CYBA: variants seen among roughly 807,000 people sequenced by gnomAD.
The protein encoded by CYBA is cytochrome b-245 alpha chain.
In CYBA, 21 loss-of-function variants were observed where a neutral mutation model predicts 20.8. The ratio of observed to expected loss-of-function variants is 1.01; its 90% CI spans 0.72 to 1.46. The LOEUF (loss-of-function observed/expected upper bound fraction) is 1.46. Ranked by LOEUF, CYBA falls within the 40% of genes most tolerant of loss-of-function variation. The pLI is 0.00. For missense variants in CYBA, 344 were observed against 287.0 expected, an observed-to-expected ratio of 1.20 and a Z score of -1.43; for synonymous variants, 164 against 127.5, an observed-to-expected ratio of 1.29 and a Z score of -1.93.
intron 1 of CYBA, among the ~76,000 whole-genome samples, chr16:88,649,576 C>G (rs936030198): frequency 6.6e-6 from 1 of 152,192 alleles, no homozygotes; most frequent in African/African-American, 2.4e-5. Flanking sequence ...TGGGGCTGCA[C>G]GGTCTGGAAG....
chr16:88,646,071 T>G, intron 5 of CYBA, 45 bp downstream of exon 5: 1 of 1,484,592 alleles, frequency 6.7e-7, no homozygotes, highest in Non-Finnish European at 9.1e-7. Context: ...GGGCAGGGGC[T>G]GGGGATGGGG....
At chr16:88,645,056 T>G (rs895518942) in intron 5 of CYBA, 1 of 648,580 alleles carries the variant, frequency 1.5e-6, no homozygotes, top group Non-Finnish European at 2.8e-6. Flanking sequence ...GGTTGTCTGC[T>G]GAGGAGCAGC....
At chr16:88,648,700 C>T (rs909304403) in intron 1 of CYBA, among the ~76,000 whole-genome samples, 7 of 151,634 alleles carry the variant, frequency 4.6e-5, no homozygotes, top group South Asian at 2.1e-4. Context: ...TCACTGCTAC[C>T]TCCGCCTCCA....
In CYBA at chr16:88,643,556, C is replaced by A; in HGVS notation, c.385G>T (p.Glu129Ter). The stretch of plus-strand genomic sequence containing the variant: ...TTGGGCTCGATGGGCGTCCACTGCT[C>A]GCCACGCACAGCCGCCTGCGGGGCA... The part of the protein sequence containing the change: ...GIYLLAAVRG[E>*]QWTPIEPKPR... Residue 129 changes from glutamate to a stop codon, truncating the protein, a stop_gained, in exon 6 of 6, where the codon GAG becomes TAG. Coordinates refer to ENST00000261623, the MANE Select transcript of CYBA (RefSeq NM_000101.4). LOFTEE classifies it high-confidence loss of function. This position sits in a 1 kb window ranked among gnomAD's most constrained non-coding sequence, Gnocchi z 4.3. The A allele has an allele frequency of 6.5e-7, 1 of 1,533,838 alleles. No individual in the cohort carries two copies.
chr16:88,643,495 T>C lies in CYBA; in HGVS notation c.446A>G (p.Lys149Arg). The C allele has an allele frequency of 1.3e-6, 2 of 1,533,942 alleles. No individual in the cohort carries two copies. The highest frequency in any genetic ancestry group is 8.7e-7 in the Non-Finnish European group (1 of 1,145,748). Residue 149 changes from lysine to arginine, a missense_variant, in exon 6 of 6, where the codon AAG (lysine) becomes AGG (arginine). By Grantham distance (26) the Lys-to-Arg change is conservative (BLOSUM62 2). Transcript: ENST00000261623. This position sits in a 1 kb window ranked among gnomAD's most constrained non-coding sequence, Gnocchi z 4.3. ...RERPQIGGTI[K>R]QPPSNPPPRP... Reference sequence around the variant, plus strand: ...CGGCGGGGGGTTGCTGGGCGGCTGCTTGATGGTGCCTCCGATCTGCGGCCG... The same window carrying C: ...CGGCGGGGGGTTGCTGGGCGGCTGCCTGATGGTGCCTCCGATCTGCGGCCG...
chr16:88,647,083 G>T lies in CYBA; in HGVS notation c.203+18C>A. 6.2e-7 allele frequency: 1 copy of T among 1,606,412 alleles called. No individual in the cohort carries two copies. Among genetic ancestry groups the T allele is most frequent in the African/African-American group, 1.3e-5 (1 of 74,902 alleles). On this transcript the variant is annotated intron_variant, in intron 3 of 5. Transcript: ENST00000261623. The stretch of plus-strand genomic sequence containing the variant: ...CCCCGCAGCCCCCGGAGAGACCCCA[G>T]AGCAGGAGGAGACTCACCAGCGCTC...
chr16:88,645,465 G>C, intron 5 of CYBA: 1 of 699,382 alleles, frequency 1.4e-6, no homozygotes, highest in African/African-American at 1.7e-5. Flanking sequence ...CAAAGTCTGA[G>C]GGCTCTGTCC....
In CYBA at chr16:88,651,047, G is replaced by A. The variant is rs756019435; in HGVS notation, c.-34C>T. 3.0e-5 allele frequency: 47 copies of A among 1,565,704 alleles called. No homozygotes were observed. Among genetic ancestry groups the A allele is most frequent in the Admixed American group, 2.9e-4 (16 of 55,060 alleles). On this transcript the variant is annotated 5_prime_UTR_variant, in exon 1 of 6. Transcript: ENST00000261623. ...GAACCCGGCTGGGACACTGCTAGGC[G>A]CGCACTGCCGCCCCTGCGCTCCCGG...
At chr16:88,648,747 AG>A (rs1248397754) in intron 1 of CYBA, among the ~76,000 whole-genome samples, 3 of 150,528 alleles carry the variant, frequency 2.0e-5, no homozygotes, top group Non-Finnish European at 4.4e-5. Flanking sequence ...CCTCCTGAGT[AG>A]CTGGGACTAC....
chr16:88,645,521 C>A lies in CYBA; in HGVS notation c.369+595G>T, dbSNP rs549642172. The A allele has an allele frequency of 8.9e-6, 6 of 670,736 alleles. No individual in the cohort carries two copies. The South Asian group carries it at 9.6e-5, about 11-fold the overall frequency. The allele number at this position is 670,736 out of a possible 1,614,324, so 41.5% of individuals were successfully genotyped here. A position where few individuals can be genotyped will look rare whatever the true frequency, so the allele number is the denominator to read the frequency against. The stretch of plus-strand genomic sequence containing the variant: ...AGAGGTGGCCTGCAGCCGTCTGTTC[C>A]GGAGCCCAGGGCAGGCAGAGGGCAT... On this transcript the variant is annotated intron_variant, in intron 5 of 5. Transcript: ENST00000261623.
chr16:88,645,894 G>A (rs546896779), intron 5 of CYBA: 2 of 593,042 alleles, frequency 3.4e-6, no homozygotes, highest in African/African-American at 1.9e-5. Flanking sequence ...GCGGGTTAAT[G>A]AGGAAATGCA....
intron 5 of CYBA, chr16:88,644,925 A>C (rs770937912): frequency 1.8e-6 from 1 of 571,008 alleles, no homozygotes; most frequent in Non-Finnish European, 3.1e-6. Context: ...CAACAGCTCA[A>C]ATCCACAGTC....
At chr16:88,649,122 A>G (rs1907406965) in intron 1 of CYBA, among the ~76,000 whole-genome samples, 1 of 148,850 alleles carries the variant, frequency 6.7e-6, no homozygotes, top group South Asian at 2.1e-4. Context: ...TATTTTTAGT[A>G]GAGACGGGGT....
In CYBA at chr16:88,643,483, C is replaced by T. The variant is rs1907159292; in HGVS notation, c.458G>A (p.Ser153Asn). The change falls in exon 6 of 6, where the codon AGC becomes AAC. Residue 153 changes from serine to asparagine, a missense_variant. Transcript: ENST00000261623. The surrounding 1 kb of genome is among the most constrained non-coding windows in gnomAD (Gnocchi z 4.3). ...QIGGTIKQPP[S>N]NPPPRPPAEA... ...GGCCGGGGGCCGCGGCGGGGGGTTG[C>T]TGGGCGGCTGCTTGATGGTGCCTCC... is the stretch of plus-strand genomic sequence containing the variant. 4.6e-6 allele frequency: 7 copies of T among 1,532,698 alleles called. No individual in the cohort carries two copies. Among genetic ancestry groups the T allele is most frequent in the Non-Finnish European group, 6.1e-6 (7 of 1,144,946 alleles). 94.9% of individuals were successfully genotyped at this position (1,532,698 alleles called of 1,614,324 possible). A position where few individuals can be genotyped will look rare whatever the true frequency, so the allele number is the denominator to read the frequency against.
intron 4 of CYBA, 184 bp downstream of exon 4, chr16:88,646,571 C>A: frequency 2.8e-6 from 2 of 711,500 alleles, no homozygotes; most frequent in Non-Finnish European, 2.6e-6. Flanking sequence ...TGGATCCTTA[C>A]AAATCCTGCA....
Position 88,643,597 on chromosome 16 carries a change from G to C in CYBA, c.370-26C>G. 1.3e-6 allele frequency: 2 copies of C among 1,524,592 alleles called. No individual in the cohort carries two copies. The highest frequency in any genetic ancestry group is 1.8e-6 in the Non-Finnish European group (2 of 1,139,266). 94.4% of individuals were successfully genotyped at this position (1,524,592 alleles called of 1,614,324 possible). ...CTGCGGGGCACTGAAGGGTTGAGCC[G>C]CGCCCCAGCGCCCGCCCTCCCTCCC... is the stretch of plus-strand genomic sequence containing the variant. On this transcript the variant is annotated intron_variant, in intron 5 of 5. Transcript: ENST00000261623. This position sits in a 1 kb window ranked among gnomAD's most constrained non-coding sequence, Gnocchi z 4.3.
chr16:88,647,957 G>T, intron 2 of CYBA, 88 bp downstream of exon 2: 2 of 1,285,434 alleles, frequency 1.6e-6, no homozygotes, highest in East Asian at 2.4e-5. Context: ...CGGTGGTGGG[G>T]AGCGGAGGCA....
intron 1 of CYBA, chr16:88,650,651 C>A (rs999978890): frequency 1.7e-6 from 1 of 577,424 alleles, no homozygotes; most frequent in Non-Finnish European, 3.2e-6. Flanking sequence ...GGGGCTGAAC[C>A]GCCTCTTCCC....
At chr16:88,645,020 G>C (rs1367140677) in intron 5 of CYBA, 4 of 620,712 alleles carry the variant, frequency 6.4e-6, no homozygotes, top group Non-Finnish European at 1.2e-5. Flanking sequence ...CATGGTGGGA[G>C]AGATGGGGCC....
Sources: gnomAD v4.1 joint callset for allele counts (sites outside exome capture counted in the v4.1 genomes callset) on GRCh38, gnomAD v4.1.1 for gene constraint, Gnocchi (gnomAD v3.1) non-coding constraint, MANE v1.5 for transcripts, NCBI Gene and HGNC (gene_info 2026-07-23, HGNC 2026-07-21) for gene names.